The following ZFHX3 variants were observed in gnomAD, a reference collection of about 807,000 sequenced individuals.
ZFHX3 encodes zinc finger homeobox 3.
In ZFHX3, 42 loss-of-function variants were observed where a neutral mutation model predicts 279.1. That is an observed-to-expected ratio of 0.15 (90% CI 0.12 to 0.19). The LOEUF is 0.19. Among genes scored for constraint, ZFHX3 ranks in the 10% least tolerant of loss-of-function variants. The pLI is 1.00. For missense variants in ZFHX3, 4,981 were observed against 4,754.0 expected (o/e 1.05, Z -1.40); for synonymous variants, 2,293 against 1,957.8 (o/e 1.17, Z -4.52).
At chr16:72,907,306 T>G (rs1407666597) in intron 3 of ZFHX3, among the ~76,000 whole-genome samples, 1 of 152,188 alleles carries the variant, frequency 6.6e-6, no homozygotes, top group Non-Finnish European at 1.5e-5. Context: ...TTCTTCCGGC[T>G]TTGATTCATT....
At chr16:73,556,323 G>T (rs11866431) in intron 2 of ZFHX3, among the ~76,000 whole-genome samples, 1 of 152,160 alleles carries the variant, frequency 6.6e-6, no homozygotes, top group East Asian at 1.9e-4. Context: ...AGTGGGGAGG[G>T]GGGTGGCGGA....
intron 1 of ZFHX3, among the ~76,000 whole-genome samples, chr16:73,874,141 C>T (rs528224351): frequency 3.2e-4 from 48 of 152,056 alleles, no homozygotes; most frequent in African/African-American, 1.2e-3. Context: ...TATGTGTGTG[C>T]CTATCATTTT....
At chr16:72,836,202 T>G (rs1205588529) in intron 4 of ZFHX3, among the ~76,000 whole-genome samples, 1 of 152,160 alleles carries the variant, frequency 6.6e-6, no homozygotes, top group Admixed American at 6.5e-5. Context: ...CCACTCCCTA[T>G]GCCATTCTCC....
intron 1 of ZFHX3, among the ~76,000 whole-genome samples, chr16:73,708,878 C>A (rs143178539): frequency 6.6e-6 from 1 of 152,274 alleles, no homozygotes; most frequent in African/African-American, 2.4e-5. Flanking sequence ...GGAGAAAGAG[C>A]ATAACAAAGT....
At chr16:73,631,661 T>G (rs2052470152) in intron 2 of ZFHX3, among the ~76,000 whole-genome samples, 1 of 152,104 alleles carries the variant, frequency 6.6e-6, no homozygotes, top group Non-Finnish European at 1.5e-5. Flanking sequence ...TTCCAGCAAT[T>G]TGGGAGGCCG....
intron 7 of ZFHX3, among the ~76,000 whole-genome samples, chr16:73,105,090 A>T (rs557433130): frequency 4.8e-4 from 73 of 152,188 alleles, no homozygotes; most frequent in Non-Finnish European, 8.5e-4. Context: ...GTCCTTGGCC[A>T]CTGCTTTCTT....
intron 4 of ZFHX3, among the ~76,000 whole-genome samples, chr16:73,275,402 C>T (rs545808043): frequency 2.7e-5 from 4 of 148,768 alleles, no homozygotes; most frequent in East Asian, 3.9e-4. Flanking sequence ...GACGAAGCTT[C>T]GGGTGGTCAT....
chr16:73,440,762 A>C (rs1474804898), intron 3 of ZFHX3, among the ~76,000 whole-genome samples: 1 of 152,214 alleles, frequency 6.6e-6, no homozygotes, highest in African/African-American at 2.4e-5. Flanking sequence ...AAAATCCATC[A>C]GTCTCTCAAA....
chr16:73,101,952 C>G (rs1408815398), intron 7 of ZFHX3, among the ~76,000 whole-genome samples: 5 of 140,310 alleles, frequency 3.6e-5, no homozygotes, highest in Non-Finnish European at 6.0e-5. Flanking sequence ...CTCATTCTGT[C>G]ACCCAGGCTG....
intron 2 of ZFHX3, among the ~76,000 whole-genome samples, chr16:73,512,062 T>G (rs1345307989): frequency 6.6e-6 from 1 of 151,976 alleles, no homozygotes; most frequent in Non-Finnish European, 1.5e-5. Context: ...GAAATAAGTG[T>G]CTGCCCTGGG....
At chr16:73,159,326 T>C (rs1420626471) in intron 5 of ZFHX3, among the ~76,000 whole-genome samples, 1 of 152,226 alleles carries the variant, frequency 6.6e-6, no homozygotes, top group Non-Finnish European at 1.5e-5. Context: ...CTCCCCTTTT[T>C]ATCTAAGTCC....
At chr16:73,312,424 T>G (rs998357199) in intron 4 of ZFHX3, among the ~76,000 whole-genome samples, 6 of 152,060 alleles carry the variant, frequency 3.9e-5, no homozygotes, top group Non-Finnish European at 8.8e-5. Flanking sequence ...CTTAGAGTTG[T>G]CCAAAAATAG....
At chr16:73,137,803 T>C (rs1193753678) in intron 6 of ZFHX3, among the ~76,000 whole-genome samples, 2 of 152,152 alleles carry the variant, frequency 1.3e-5, no homozygotes, top group South Asian at 2.1e-4. Flanking sequence ...AGGAAACTTA[T>C]CTCAAACAGC....
intron 8 of ZFHX3, among the ~76,000 whole-genome samples, chr16:73,073,568 A>T (rs1965849913): frequency 6.6e-6 from 1 of 152,050 alleles, no homozygotes; most frequent in Non-Finnish European, 1.5e-5. Context: ...GCACGATCTC[A>T]GCTCACTGCA....
chr16:73,376,152 A>G (rs923491711), intron 3 of ZFHX3, among the ~76,000 whole-genome samples: 1 of 152,176 alleles, frequency 6.6e-6, no homozygotes, highest in African/African-American at 2.4e-5. Context: ...TTTCTTTTTA[A>G]CAATACAGAC....
Position 72,797,486 on chromosome 16 carries a change from T to TTGTTGC in ZFHX3, c.5195_5196insGCAACA (p.Gln1740_Gln1741dup), listed in dbSNP as rs1555517953. On this transcript the variant is annotated inframe_insertion, in exon 9 of 10. Transcript: ENST00000268489. ...GTTGTTGTTGTTGTTGTTGTTGTTG[T>TTGTTGC]TGCTGTTGCTGCTGCTGTTGTTGCT... 3.7e-6 allele frequency: 6 copies of TTGTTGC among 1,610,856 alleles called. No individual in the cohort carries two copies. Among genetic ancestry groups the TTGTTGC allele is most frequent in the Non-Finnish European group, 5.1e-6 (6 of 1,177,960 alleles).
At chr16:73,508,024 C>A (rs552084261) in intron 2 of ZFHX3, among the ~76,000 whole-genome samples, 23 of 152,224 alleles carry the variant, frequency 1.5e-4, no homozygotes, top group African/African-American at 4.8e-4. Flanking sequence ...GATTGATACA[C>A]GGTATTGATA....
intron 1 of ZFHX3, among the ~76,000 whole-genome samples, chr16:73,789,316 G>C (rs1394687489): frequency 1.3e-5 from 2 of 151,956 alleles, no homozygotes; most frequent in African/African-American, 4.8e-5. Flanking sequence ...GAGTAGCTGG[G>C]ACTACAGGTG....
chr16:73,723,447 G>A (rs144419917), intron 1 of ZFHX3, among the ~76,000 whole-genome samples: 8 of 152,192 alleles, frequency 5.3e-5, no homozygotes, highest in African/African-American at 9.6e-5. Context: ...CGATTAAAAC[G>A]TGTTCTTGAA....
Sources: allele counts gnomAD v4.1 joint callset (sites outside exome capture counted in the v4.1 genomes callset), GRCh38; gene constraint gnomAD v4.1.1; transcripts MANE v1.5; gene names NCBI Gene and HGNC (gene_info 2026-07-23, HGNC 2026-07-21).